The following FAM120A variants were observed in gnomAD, a reference collection of about 807,000 sequenced individuals.
The protein encoded by FAM120A is family with sequence similarity 120 member A, also known as constitutive coactivator of PPAR-gamma-like protein 1.
FAM120A carries 15 observed loss-of-function variants against 109.7 expected under a neutral mutation model. That is an observed-to-expected ratio of 0.14 (90% CI 0.09 to 0.21). The LOEUF (loss-of-function observed/expected upper bound fraction) is 0.21. FAM120A is among the 10% of genes least tolerant of loss of function. The probability of loss-of-function intolerance (pLI) is 1.00; values close to 1 mark genes in which losing one functional copy is unlikely to be tolerated. For missense variants in FAM120A, 899 were observed against 1,439.3 expected (o/e 0.62, Z 6.07); for synonymous variants, 493 against 572.8 (o/e 0.86, Z 1.99).
intron 5 of FAM120A, among the ~76,000 whole-genome samples, chr9:93,514,027 C>G (rs751754901): frequency 1.3e-5 from 2 of 152,148 alleles, no homozygotes; most frequent in Non-Finnish European, 2.9e-5. Flanking sequence ...CTGCCTGAGA[C>G]TGGATAATTT....
At position 93,532,217 on chromosome 9, in the gene FAM120A, T is replaced by C. The variant is rs1437586160; in HGVS notation, c.1797T>C (p.Ala599=). Residue 599 remains alanine, a synonymous_variant, in exon 10 of 18, where the codon GCT becomes GCC. Transcript: ENST00000277165. This position sits in a 1 kb window ranked among gnomAD's most constrained non-coding sequence, Gnocchi z 4.3. ...DEANKDLPPA[A]LLYRPVRQYV... ...CCAACAAGGACCTGCCTCCGGCCGCTCTGCTCTATAGGCCAGTTCGTCAGT... is the reference window on the plus strand; with the variant it reads ...CCAACAAGGACCTGCCTCCGGCCGCCCTGCTCTATAGGCCAGTTCGTCAGT... 6.2e-7 allele frequency: 1 copy of C among 1,614,280 alleles called. No homozygotes were observed. Among genetic ancestry groups the C allele is most frequent in the Non-Finnish European group, 8.5e-7 (1 of 1,180,048 alleles).
At position 93,497,601 on chromosome 9, in the gene FAM120A, T is replaced by TAAA; in HGVS notation, c.933+11_933+13dup. The TAAA allele has an allele frequency of 6.8e-6, 9 of 1,316,978 alleles. No individual in the cohort carries two copies. The highest frequency in any genetic ancestry group is 6.8e-5 in the Admixed American group (3 of 44,368). 81.6% of individuals were successfully genotyped at this position (1,316,978 alleles called of 1,614,324 possible). On this transcript the variant is annotated splice_region_variant and intron_variant, in intron 4 of 17. Transcript: ENST00000277165. ...AAAGATGTTTTCCAGCATTCACAGG[T>TAAA]AAAAAAAAAAACAAACAAAACAAAA...
At chr9:93,478,431 A>G (rs1370176248) in intron 3 of FAM120A, among the ~76,000 whole-genome samples, 3 of 152,156 alleles carry the variant, frequency 2.0e-5, no homozygotes, top group Non-Finnish European at 2.9e-5. Context: ...ATGAAATGCA[A>G]GTGCACCTGG....
Position 93,526,543 on chromosome 9 carries a change from C to T in FAM120A, c.1419-612C>T, listed in dbSNP as rs535069548. Among the ~76,000 whole-genome samples, 7 of 151,894 alleles carry T rather than the reference C, an allele frequency of 4.6e-5. No individual in the cohort carries two copies. The South Asian group carries it at 1.5e-3, about 32-fold the overall frequency. ...TTTTCACTACTTTGTTAAATAAAGC[C>T]ATCCTCCAAATAAGTTCCCATGAAC... On this transcript the variant is annotated intron_variant, in intron 7 of 17. Coordinates refer to ENST00000277165, the MANE Select transcript of FAM120A (RefSeq NM_014612.5).
chr9:93,507,334 G>A (rs1372894722), intron 5 of FAM120A, among the ~76,000 whole-genome samples: 1 of 152,230 alleles, frequency 6.6e-6, no homozygotes, highest in African/African-American at 2.4e-5. Flanking sequence ...GGCTCCCAGA[G>A]TTTTGGCTTG....
intron 12 of FAM120A, among the ~76,000 whole-genome samples, chr9:93,553,602 T>C (rs1862179822): frequency 6.6e-6 from 1 of 152,244 alleles, no homozygotes; most frequent in Non-Finnish European, 1.5e-5. Context: ...TGTATTTCTC[T>C]AGTTGAGGAA....
At chr9:93,529,759 A>G (rs1588886726) in intron 9 of FAM120A, 179 bp downstream of exon 9, 1 of 651,604 alleles carries the variant, frequency 1.5e-6, no homozygotes, top group Non-Finnish European at 2.8e-6. Flanking sequence ...AACTGTAAAT[A>G]GTTTTAAAAT....
chr9:93,540,936 G>GA (rs1461811248), intron 10 of FAM120A, among the ~76,000 whole-genome samples: 1 of 152,040 alleles, frequency 6.6e-6, no homozygotes, highest in Non-Finnish European at 1.5e-5. Flanking sequence ...GAAAGGGAAA[G>GA]AAAAAAATGA....
chr9:93,525,865 G>C (rs1171705842), intron 7 of FAM120A, among the ~76,000 whole-genome samples: 1 of 152,224 alleles, frequency 6.6e-6, no homozygotes, highest in African/African-American at 2.4e-5. Flanking sequence ...CGGGAAACCT[G>C]AACAGGGTGG....
intron 5 of FAM120A, among the ~76,000 whole-genome samples, chr9:93,502,565 T>C (rs62574546): frequency 4.0e-4 from 58 of 146,796 alleles, no homozygotes; most frequent in East Asian, 1.0e-3. Context: ...GGAGGACACA[T>C]ACACACACAC....
chr9:93,465,502 T>C (rs1214422149), intron 1 of FAM120A, among the ~76,000 whole-genome samples: 3 of 152,252 alleles, frequency 2.0e-5, no homozygotes, highest in African/African-American at 7.2e-5. Flanking sequence ...GTGCCTGTTA[T>C]ACTTTGTTCA....
Position 93,551,258 on chromosome 9 carries a change from T to G in FAM120A, c.2274+567T>G, listed in dbSNP as rs1424242803. ...TATTCCTTTTAATTTTGCCTTCTAG[T>G]AATTCCTTTTGTTCTTTAATTGTTT... On this transcript the variant is annotated intron_variant, in intron 12 of 17. Transcript: ENST00000277165. Among the ~76,000 whole-genome samples, 4 of 152,342 alleles carry G rather than the reference T, an allele frequency of 2.6e-5. No individual in the cohort carries two copies. In the East Asian group the frequency reaches 7.7e-4, roughly 29 times the overall value.
At chr9:93,506,468 T>G (rs1412774048) in intron 5 of FAM120A, among the ~76,000 whole-genome samples, 1 of 152,228 alleles carries the variant, frequency 6.6e-6, no homozygotes, top group African/African-American at 2.4e-5. Context: ...TTAACAACTT[T>G]GCTCAGTTCT....
intron 3 of FAM120A, among the ~76,000 whole-genome samples, chr9:93,493,587 C>T (rs1163055979): frequency 2.0e-5 from 3 of 152,190 alleles, no homozygotes; most frequent in African/African-American, 7.2e-5. Flanking sequence ...CAAGAGAGTA[C>T]CCAAATGTGC....
In FAM120A at chr9:93,556,861, C is replaced by A. The variant is rs966789; in HGVS notation, c.2484+270C>A. On this transcript the variant is annotated intron_variant, in intron 13 of 17. Coordinates refer to ENST00000277165, the MANE Select transcript of FAM120A (RefSeq NM_014612.5). ...GAATACTGACCATTGCTCCTAGGGGCAATACAAGGTGCTGGGTTCCTTCAA... is the reference window on the plus strand; with the variant it reads ...GAATACTGACCATTGCTCCTAGGGGAAATACAAGGTGCTGGGTTCCTTCAA... Among the ~76,000 whole-genome samples, 84,712 of 151,976 alleles carry A rather than the reference C, an allele frequency of 0.56. 24,347 individuals carry two copies. The highest frequency in any genetic ancestry group is 0.69 in the African/African-American group (28,675 of 41,452).
intron 10 of FAM120A, among the ~76,000 whole-genome samples, chr9:93,538,516 A>C (rs1373079296): frequency 2.0e-5 from 3 of 152,210 alleles, no homozygotes; most frequent in Admixed American, 6.5e-5. Context: ...CTGCTCCCTA[A>C]ATACACACAA....
chr9:93,454,608 CAA>C (rs1857469021), intron 1 of FAM120A, among the ~76,000 whole-genome samples: 1 of 152,066 alleles, frequency 6.6e-6, no homozygotes, highest in Non-Finnish European at 1.5e-5. Context: ...CAAGAAGTGA[CAA>C]GAGAGATTTA....
intron 3 of FAM120A, among the ~76,000 whole-genome samples, chr9:93,483,155 G>T (rs888208035): frequency 6.6e-6 from 1 of 152,048 alleles, no homozygotes; most frequent in African/African-American, 2.4e-5. Context: ...TAGCAGGAGG[G>T]GGTAGTTCTG....
At position 93,557,980 on chromosome 9, in the gene FAM120A, C is replaced by G. The variant is rs1862350371; in HGVS notation, c.2638C>G (p.Pro880Ala). The G allele has an allele frequency of 6.2e-7, 1 of 1,601,730 alleles. No homozygotes were observed. The highest frequency in any genetic ancestry group is 1.1e-5 in the South Asian group (1 of 90,754). ...CCCCCGGCACTTTGGGCCTGTCCCA[C>G]CCTCTCAGGGCAGGGGCAGAGGCTT... is the stretch of plus-strand genomic sequence containing the variant. ...AYPRHFGPVP[P>A]SQGRGRGFAG... is the part of the protein sequence containing the mutation. The change falls in exon 14 of 18, where the codon CCC (proline) becomes GCC (alanine). Residue 880 changes from proline to alanine, a missense_variant. By Grantham distance (27) the Pro-to-Ala change is conservative (BLOSUM62 -1). This residue lies in a region of FAM120A where 129 missense variants were observed against 153.4 expected (regional missense o/e 0.84). Transcript: ENST00000277165.
Sources: gnomAD v4.1 joint callset for allele counts (sites outside exome capture counted in the v4.1 genomes callset) on GRCh38, gnomAD v4.1.1 for gene constraint, gnomAD v4.1.1 regional missense constraint, Gnocchi (gnomAD v3.1) non-coding constraint, MANE v1.5 for transcripts, NCBI Gene and HGNC (gene_info 2026-07-23, HGNC 2026-07-21) for gene names.